ANO3: variants seen among roughly 807,000 people sequenced by gnomAD.
ANO3 encodes the protein anoctamin-3.
Under a neutral mutation model 144.8 loss-of-function variants are expected in ANO3, and 99 were observed. The ratio of observed to expected loss-of-function variants is 0.68; its 90% CI spans 0.58 to 0.81. The LOEUF (loss-of-function observed/expected upper bound fraction) is 0.81. Among genes scored for constraint, ANO3 ranks in the 30% least tolerant of loss-of-function variants. The pLI is 0.00. For missense variants in ANO3, 905 were observed against 1,202.2 expected, an observed-to-expected ratio of 0.75 and a Z score of 3.66; for synonymous variants, 414 against 392.6, an observed-to-expected ratio of 1.05 and a Z score of -0.64.
chr11:26,204,825 G>A (rs909166633), intron 1 of ANO3, among the ~76,000 whole-genome samples: 3 of 152,146 alleles, frequency 2.0e-5, no homozygotes, highest in African/African-American at 7.2e-5. Context: ...TGTGCTTCAT[G>A]TTCTATAAAT....
chr11:26,304,031 T>A (rs1362736484), intron 1 of ANO3, among the ~76,000 whole-genome samples: 4 of 152,176 alleles, frequency 2.6e-5, no homozygotes, highest in South Asian at 2.1e-4. Flanking sequence ...TTTTTTAAGT[T>A]TCTTGTGATC....
intron 3 of ANO3, among the ~76,000 whole-genome samples, chr11:26,451,911 G>A (rs1375240449): frequency 1.5e-4 from 23 of 152,134 alleles, no homozygotes; most frequent in Admixed American, 1.5e-3. Context: ...CAATCAGACA[G>A]CAGCATTCGC....
upstream of ANO3, among the ~76,000 whole-genome samples, chr11:26,327,851 A>C (rs1196207332): frequency 1.3e-5 from 2 of 152,212 alleles, no homozygotes; most frequent in African/African-American, 4.8e-5. Context: ...ATGACAGATT[A>C]AACAACATGG....
chr11:26,553,244 T>TTAA lies in ANO3; in HGVS notation c.1290-5_1290-4insTAA. 2 of 1,436,598 alleles carry TTAA rather than the reference T, an allele frequency of 1.4e-6. No individual in the cohort carries two copies. The highest frequency in any genetic ancestry group is 1.9e-6 in the Non-Finnish European group (2 of 1,030,682). The allele number at this position is 1,436,598 out of a possible 1,614,324, so 89.0% of individuals were successfully genotyped here. On this transcript the variant is annotated splice_polypyrimidine_tract_variant and splice_region_variant and intron_variant, in intron 12 of 26. Coordinates refer to ENST00000256737, the MANE Select transcript of ANO3 (RefSeq NM_031418.4). ...GTTTTGTTTTTGTTTTTGTTTTTTC[T>TTAA]CAAGCCAAGAAATTTGTAAAGCCAC...
At chr11:26,583,779 A>C (rs930385280) in intron 14 of ANO3, among the ~76,000 whole-genome samples, 2 of 152,228 alleles carry the variant, frequency 1.3e-5, no homozygotes, top group Admixed American at 1.3e-4. Flanking sequence ...TGCTGAAAAT[A>C]AACCTGGGGA....
intron 24 of ANO3, among the ~76,000 whole-genome samples, chr11:26,653,989 G>T (rs1185500731): frequency 1.3e-5 from 2 of 152,034 alleles, no homozygotes. Context: ...TGTATTTGTG[G>T]ATCAGTTTTT....
intron 14 of ANO3, among the ~76,000 whole-genome samples, chr11:26,581,403 GAGA>G (rs1489722457): frequency 6.6e-6 from 1 of 151,492 alleles, no homozygotes; most frequent in Non-Finnish European, 1.5e-5. Flanking sequence ...AATACAAAAG[GAGA>G]AGGCCGGACA....
intron 1 of ANO3, among the ~76,000 whole-genome samples, chr11:26,196,064 A>G (rs538347047): frequency 3.9e-5 from 6 of 152,236 alleles, no homozygotes; most frequent in Admixed American, 6.5e-5. Flanking sequence ...ATGAGTTGCT[A>G]TAAGGACAAG....
At chr11:26,341,051 C>T (rs60349188) in intron 1 of ANO3, among the ~76,000 whole-genome samples, 8,923 of 152,038 alleles carry the variant, frequency 0.059, 692 homozygotes, top group African/African-American at 0.18. Context: ...CTTCTCTTCT[C>T]TTTTCTTTTC....
intron 5 of ANO3, among the ~76,000 whole-genome samples, chr11:26,509,184 A>T (rs1861554633): frequency 6.6e-6 from 1 of 151,854 alleles, no homozygotes; most frequent in African/African-American, 2.4e-5. Flanking sequence ...TTGCCATTAC[A>T]TTTAGAACCA....
intron 1 of ANO3, among the ~76,000 whole-genome samples, chr11:26,193,946 T>C (rs543820401): frequency 6.6e-6 from 1 of 152,298 alleles, no homozygotes; most frequent in Admixed American, 6.5e-5. Context: ...ACTAACTGCA[T>C]GACTTCAGAA....
intron 3 of ANO3, among the ~76,000 whole-genome samples, chr11:26,450,339 T>C (rs903485923): frequency 2.0e-5 from 3 of 152,104 alleles, no homozygotes; most frequent in African/African-American, 4.8e-5. Context: ...CTTCCCTGTG[T>C]TGTTCATTGA....
In ANO3 at chr11:26,421,324, A is replaced by G. The variant is rs115922913; in HGVS notation, c.47-20594A>G. ...CAGAGCTATAATGATTTTGACAAGG[A>G]AGACAAATTAGAAAATTCTGTGTCC... is the stretch of plus-strand genomic sequence containing the variant. On this transcript the variant is annotated intron_variant, in intron 1 of 26. Coordinates refer to ENST00000256737, the MANE Select transcript of ANO3 (RefSeq NM_031418.4). Among the ~76,000 whole-genome samples, 572 of 152,206 alleles carry G rather than the reference A, an allele frequency of 3.8e-3. 4 individuals carry two copies. The highest frequency in any genetic ancestry group is 0.013 in the African/African-American group (545 of 41,566).
Position 26,643,181 on chromosome 11 carries a change from G to A in ANO3, c.2276-1G>A, listed in dbSNP as rs773828216. ...AATTTCCTAATGCTCTTCTTTTGCA[G>A]TTTTGCAATTTGGTTTTACCACCAT... On this transcript the variant is annotated splice_acceptor_variant, in intron 22 of 26. Coordinates refer to ENST00000256737, the MANE Select transcript of ANO3 (RefSeq NM_031418.4). LOFTEE classifies it high-confidence loss of function. 1 of 1,613,708 alleles carries A rather than the reference G, an allele frequency of 6.2e-7. No homozygotes were observed. The highest frequency in any genetic ancestry group is 8.5e-7 in the Non-Finnish European group (1 of 1,179,892).
chr11:26,403,118 G>A (rs1283915393), intron 1 of ANO3, among the ~76,000 whole-genome samples: 1 of 151,898 alleles, frequency 6.6e-6, no homozygotes, highest in African/African-American at 2.4e-5. Flanking sequence ...TTCTCTTGGT[G>A]TGGTTTATCC....
intron 12 of ANO3, 83 bp downstream of exon 12, chr11:26,547,633 A>T (rs1295468743): frequency 7.6e-7 from 1 of 1,315,112 alleles, no homozygotes; most frequent in East Asian, 2.3e-5. Context: ...GACTATAAAA[A>T]ATCAAATGGT....
At position 26,250,482 on chromosome 11, in the gene ANO3, G is replaced by A. The variant is rs76049834; in HGVS notation, c.155-59163G>A. On this transcript the variant is annotated intron_variant, in intron 1 of 27. Coordinates refer to the ANO3 transcript ENST00000672621. ...AAATTTCCAAAGGACACTATTTTAC[G>A]GTATTTCTATTACCTGAGGCTTATG... 7.8e-3 allele frequency among the ~76,000 whole-genome samples: 1,194 copies of A among 152,154 alleles called. 15 individuals are homozygous for A. The highest frequency in any genetic ancestry group is 0.027 in the African/African-American group (1,113 of 41,504).
intron 1 of ANO3, among the ~76,000 whole-genome samples, chr11:26,389,719 G>A (rs1373500578): frequency 2.0e-5 from 3 of 151,986 alleles, no homozygotes; most frequent in Non-Finnish European, 4.4e-5. Flanking sequence ...AATATCTCAA[G>A]TTACATTTTA....
intron 4 of ANO3, among the ~76,000 whole-genome samples, chr11:26,500,136 C>T (rs1861134361): frequency 6.6e-6 from 1 of 151,954 alleles, no homozygotes; most frequent in Non-Finnish European, 1.5e-5. Flanking sequence ...CATGTGTTAA[C>T]ATTTCATTTC....
Sources: gnomAD v4.1 joint callset for allele counts (sites outside exome capture counted in the v4.1 genomes callset) on GRCh38, gnomAD v4.1.1 for gene constraint, MANE v1.5 for transcripts, NCBI Gene and HGNC (gene_info 2026-07-23, HGNC 2026-07-21) for gene names.